Variants in CSMD1 observed in about 807,000 individuals in gnomAD.
The protein encoded by CSMD1 is CUB and Sushi multiple domains 1, also known as CUB and sushi domain-containing protein 1.
CSMD1 carries 213 observed loss-of-function variants against 417.5 expected under a neutral mutation model. The ratio of observed to expected loss-of-function variants is 0.51; its 90% CI spans 0.46 to 0.57. The LOEUF is 0.57. Among genes scored for constraint, CSMD1 ranks in the 20% least tolerant of loss-of-function variants. The pLI, the probability that CSMD1 is intolerant of heterozygous loss-of-function variation, is 0.00. For missense variants in CSMD1, 6,923 were observed against 4,529.7 expected (o/e 1.53, Z -15.17); for synonymous variants, 2,862 against 1,736.8 (o/e 1.65, Z -16.11).
intron 23 of CSMD1, among the ~76,000 whole-genome samples, chr8:3,312,372 G>A (rs551218937): frequency 6.6e-6 from 1 of 152,110 alleles, no homozygotes; most frequent in East Asian, 1.9e-4. Flanking sequence ...GACCTTGACA[G>A]CATCATTAAA....
In CSMD1 at chr8:3,101,658, C is replaced by G. The variant is rs143716225; in HGVS notation, c.6950-4621G>C. Among the ~76,000 whole-genome samples, 834 of 152,206 alleles carry G rather than the reference C, an allele frequency of 5.5e-3. 9 individuals carry two copies. Among genetic ancestry groups the G allele is most frequent in the African/African-American group, 0.019 (791 of 41,526 alleles). On this transcript the variant is annotated intron_variant, in intron 46 of 69. Coordinates refer to ENST00000635120, the MANE Select transcript of CSMD1 (RefSeq NM_033225.6). ...CCCAGGATGGTCTCGATCTCCTGAC[C>G]TTGTGATCCGCTCCCCTCAGCCTCC...
intron 12 of CSMD1, among the ~76,000 whole-genome samples, chr8:3,446,541 G>C (rs775744663): frequency 5.3e-5 from 8 of 152,172 alleles, no homozygotes; most frequent in Non-Finnish European, 1.0e-4. Context: ...CAAGGATAGA[G>C]TGCAGGTAGT....
intron 3 of CSMD1, among the ~76,000 whole-genome samples, chr8:4,244,938 G>C (rs1385887943): frequency 2.0e-5 from 3 of 152,068 alleles, no homozygotes; most frequent in Non-Finnish European, 4.4e-5. Flanking sequence ...CATCACCATT[G>C]CTTGAAAACA....
chr8:3,277,834 T>G (rs1210693275), intron 26 of CSMD1, among the ~76,000 whole-genome samples: 2 of 152,184 alleles, frequency 1.3e-5, no homozygotes, highest in African/African-American at 2.4e-5. Flanking sequence ...GGATGAATTA[T>G]GTCCAAGGGT....
chr8:3,682,569 T>C (rs746667068), intron 7 of CSMD1, among the ~76,000 whole-genome samples: 6 of 152,080 alleles, frequency 3.9e-5, no homozygotes, highest in Non-Finnish European at 8.8e-5. Flanking sequence ...TGTGGAGAAA[T>C]AGGAACACTT....
chr8:3,142,357 T>C, intron 41 of CSMD1, 108 bp downstream of exon 41: 1 of 966,336 alleles, frequency 1.0e-6, no homozygotes, highest in Non-Finnish European at 1.6e-6. Flanking sequence ...AAAAAATTAT[T>C]CCACTCGTAC....
chr8:3,526,003 A>G (rs1395862857), intron 10 of CSMD1, among the ~76,000 whole-genome samples: 1 of 152,160 alleles, frequency 6.6e-6, no homozygotes, highest in Non-Finnish European at 1.5e-5. Flanking sequence ...ACAAGCAAAC[A>G]TGGGATGGAG....
chr8:3,874,821 C>T (rs1445336510), intron 5 of CSMD1, among the ~76,000 whole-genome samples: 2 of 152,014 alleles, frequency 1.3e-5, no homozygotes, highest in African/African-American at 4.8e-5. Context: ...ACACCAAAGA[C>T]GGGGTCAATT....
chr8:3,298,589 G>A (rs936032189), intron 25 of CSMD1, among the ~76,000 whole-genome samples: 1 of 152,182 alleles, frequency 6.6e-6, no homozygotes, highest in Non-Finnish European at 1.5e-5. Context: ...GAGTAGCTGG[G>A]ATTATAGGCG....
intron 4 of CSMD1, among the ~76,000 whole-genome samples, chr8:4,014,440 T>C (rs1796426068): frequency 6.6e-6 from 1 of 152,210 alleles, no homozygotes; most frequent in Non-Finnish European, 1.5e-5. Flanking sequence ...AAATGTTCTC[T>C]GTTCTGTGAC....
At chr8:4,035,824 T>C (rs961153098) in intron 3 of CSMD1, among the ~76,000 whole-genome samples, 5 of 152,170 alleles carry the variant, frequency 3.3e-5, no homozygotes, top group Non-Finnish European at 5.9e-5. Flanking sequence ...ACATTTAGTG[T>C]ACTCTAAGTG....
At chr8:4,289,023 C>G (rs960399141) in intron 3 of CSMD1, among the ~76,000 whole-genome samples, 1 of 152,112 alleles carries the variant, frequency 6.6e-6, no homozygotes, top group Non-Finnish European at 1.5e-5. Context: ...GCTATCTGTT[C>G]AAGCAATGAC....
At chr8:3,602,331 T>C (rs1254374526) in intron 8 of CSMD1, among the ~76,000 whole-genome samples, 3 of 152,142 alleles carry the variant, frequency 2.0e-5, no homozygotes, top group Admixed American at 2.0e-4. Flanking sequence ...ACTAACTCTC[T>C]TCTTTCCTTC....
At chr8:4,317,590 A>G (rs1041289920) in intron 3 of CSMD1, among the ~76,000 whole-genome samples, 1 of 151,590 alleles carries the variant, frequency 6.6e-6, no homozygotes, top group African/African-American at 2.4e-5. Flanking sequence ...CTCAAGAGAG[A>G]GAGAGGAGAG....
chr8:4,787,599 T>C (rs7833305), intron 1 of CSMD1: 729,424 of 1,538,306 alleles, frequency 0.47, 176,904 homozygotes, highest in East Asian at 0.65. Context: ...ATGATTCCAA[T>C]TGAATGGGTT....
intron 1 of CSMD1, among the ~76,000 whole-genome samples, chr8:4,916,105 G>A (rs1183002566): frequency 6.6e-6 from 1 of 152,234 alleles, no homozygotes; most frequent in African/African-American, 2.4e-5. Flanking sequence ...GACAGGTGGT[G>A]CTTCAGCAGG....
At chr8:3,700,135 A>G (rs1800775303) in intron 7 of CSMD1, among the ~76,000 whole-genome samples, 1 of 152,148 alleles carries the variant, frequency 6.6e-6, no homozygotes, top group African/African-American at 2.4e-5. Flanking sequence ...GAGGGATAAA[A>G]GACAACAAAT....
At chr8:4,077,471 C>T (rs1799894394) in intron 3 of CSMD1, among the ~76,000 whole-genome samples, 1 of 151,688 alleles carries the variant, frequency 6.6e-6, no homozygotes. Context: ...TCTTAAATGT[C>T]TAGTTGAGGC....
chr8:4,994,221 G>C (rs1439881187), intron 1 of CSMD1, 111 bp downstream of exon 1: 37 of 903,724 alleles, frequency 4.1e-5, no homozygotes, highest in Non-Finnish European at 6.0e-5. Context: ...AGCAGCGCCG[G>C]GCAGAGGCGG....
Sources: gnomAD v4.1 joint callset for allele counts (sites outside exome capture counted in the v4.1 genomes callset) on GRCh38, gnomAD v4.1.1 for gene constraint, MANE v1.5 for transcripts, NCBI Gene and HGNC (gene_info 2026-07-23, HGNC 2026-07-21) for gene names.